Variants in CLASP2 observed in about 807,000 individuals in gnomAD.
CLASP2 encodes the protein cytoplasmic linker associated protein 2, also known as CLIP-associating protein 2.
In CLASP2, 47 loss-of-function variants were observed where a neutral mutation model predicts 194.4. The ratio of observed to expected loss-of-function variants is 0.24; its 90% CI spans 0.19 to 0.31. The LOEUF is 0.31. Among genes scored for constraint, CLASP2 ranks in the 10% least tolerant of loss-of-function variants. The probability of loss-of-function intolerance (pLI) is 1.00; values close to 1 mark genes in which losing one functional copy is unlikely to be tolerated. For synonymous variants in CLASP2, 619 were observed against 633.5 expected, an observed-to-expected ratio of 0.98 and a Z score of 0.34; for missense variants, 1,445 against 1,823.6, an observed-to-expected ratio of 0.79 and a Z score of 3.78.
At chr3:33,535,694 A>T (rs1343121151) in intron 33 of CLASP2, among the ~76,000 whole-genome samples, 1 of 152,206 alleles carries the variant, frequency 6.6e-6, no homozygotes, top group African/African-American at 2.4e-5. Flanking sequence ...CTGTAAAAGA[A>T]TGCTGCCTCT....
intron 37 of CLASP2, among the ~76,000 whole-genome samples, chr3:33,509,360 C>T (rs1575648098): frequency 6.6e-6 from 1 of 152,212 alleles, no homozygotes; most frequent in African/African-American, 2.4e-5. Flanking sequence ...GGGATTACGG[C>T]ATGTGCCAAC....
chr3:33,548,065 C>T (rs1048446280), intron 30 of CLASP2, among the ~76,000 whole-genome samples: 2 of 151,832 alleles, frequency 1.3e-5, no homozygotes, highest in Non-Finnish European at 2.9e-5. Flanking sequence ...TGTGAGCCAC[C>T]GTGCCTGGCT....
At chr3:33,501,622 C>T (rs754600828) in intron 38 of CLASP2, 30 bp downstream of exon 38, 3 of 1,335,088 alleles carry the variant, frequency 2.2e-6, no homozygotes, top group Admixed American at 1.7e-5. Context: ...ACTATGGCCA[C>T]CATCTCTAAA....
chr3:33,621,969 G>T (rs2077185858), intron 11 of CLASP2, among the ~76,000 whole-genome samples, 166 bp downstream of exon 11: 1 of 151,918 alleles, frequency 6.6e-6, no homozygotes, highest in Non-Finnish European at 1.5e-5. Flanking sequence ...AGCTGTTAAG[G>T]AATTTTTTAA....
At chr3:33,701,734 T>C (rs1367199159) in intron 1 of CLASP2, among the ~76,000 whole-genome samples, 1 of 152,234 alleles carries the variant, frequency 6.6e-6, no homozygotes, top group African/African-American at 2.4e-5. Context: ...TTTCAATAAA[T>C]GGTGATGTTA....
At chr3:33,534,290 A>G (rs558126542) in intron 34 of CLASP2, among the ~76,000 whole-genome samples, 1 of 152,326 alleles carries the variant, frequency 6.6e-6, no homozygotes, top group East Asian at 1.9e-4. Flanking sequence ...GGACAGGCAC[A>G]GTGGCTCACA....
At chr3:33,685,848 G>T (rs989409400) in intron 5 of CLASP2, among the ~76,000 whole-genome samples, 1 of 152,038 alleles carries the variant, frequency 6.6e-6, no homozygotes, top group African/African-American at 2.4e-5. Context: ...GACTGCCAGG[G>T]ACTGGGGAGT....
intron 7 of CLASP2, among the ~76,000 whole-genome samples, chr3:33,652,856 T>C (rs954540484): frequency 6.6e-6 from 1 of 152,192 alleles, no homozygotes; most frequent in African/African-American, 2.4e-5. Context: ...TGCTCAAGTT[T>C]TCCTTTGACC....
At chr3:33,610,810 A>G (rs2075014834) in intron 13 of CLASP2, among the ~76,000 whole-genome samples, 1 of 152,258 alleles carries the variant, frequency 6.6e-6, no homozygotes. Context: ...GACATAAGAC[A>G]GAGATGACTG....
intron 37 of CLASP2, chr3:33,504,294 G>A (rs573360357): frequency 6.6e-6 from 1 of 152,244 alleles, no homozygotes; most frequent in South Asian, 2.1e-4. Flanking sequence ...TTATCGCTAT[G>A]TTTTCTTCTA....
intron 3 of CLASP2, 30 bp from the exon 4 acceptor site, chr3:33,688,398 C>CA: frequency 6.9e-7 from 1 of 1,439,776 alleles, no homozygotes; most frequent in Non-Finnish European, 9.5e-7. Flanking sequence ...AAACGTATAA[C>CA]AAAAAACTAA....
intron 1 of CLASP2, among the ~76,000 whole-genome samples, chr3:33,713,205 G>A (rs1383239976): frequency 6.6e-6 from 1 of 151,910 alleles, no homozygotes; most frequent in Non-Finnish European, 1.5e-5. Context: ...GTCCTTTATA[G>A]TACAGCTAAG....
intron 33 of CLASP2, among the ~76,000 whole-genome samples, chr3:33,538,074 G>C (rs1223227871): frequency 6.6e-6 from 1 of 151,874 alleles, no homozygotes; most frequent in Non-Finnish European, 1.5e-5. Flanking sequence ...CCGGAAGGCA[G>C]AGCTTGCAGT....
chr3:33,546,062 CT>C lies in CLASP2; in HGVS notation c.3154-1222del, dbSNP rs895697061. Among the ~76,000 whole-genome samples, 8 of 152,056 alleles carry C rather than the reference CT, an allele frequency of 5.3e-5. No individual in the cohort carries two copies. In the East Asian group the frequency reaches 7.7e-4, roughly 15 times the overall value. On this transcript the variant is annotated intron_variant, in intron 30 of 38. Coordinates refer to ENST00000682230, the MANE Select transcript of CLASP2 (RefSeq NM_001365631.1). ...TGAAAACAAAAGTTACGATCTCATA[CT>C]TTTTTTTGGAACCACCACATTGAAT...
At chr3:33,630,958 G>T (rs1488641174) in intron 9 of CLASP2, among the ~76,000 whole-genome samples, 1 of 152,040 alleles carries the variant, frequency 6.6e-6, no homozygotes, top group Non-Finnish European at 1.5e-5. Flanking sequence ...TATTTAAAAA[G>T]TATCTTAAAA....
At chr3:33,643,381 A>G (rs901973501) in intron 8 of CLASP2, among the ~76,000 whole-genome samples, 1 of 151,974 alleles carries the variant, frequency 6.6e-6, no homozygotes, top group African/African-American at 2.4e-5. Flanking sequence ...GCTATTTGTT[A>G]TAAAAGGAAG....
intron 32 of CLASP2, among the ~76,000 whole-genome samples, chr3:33,542,765 CATT>C (rs1437611777): frequency 2.7e-4 from 41 of 151,894 alleles, no homozygotes; most frequent in African/African-American, 8.2e-4. Context: ...TTAAACTCAT[CATT>C]ATAACTGACC....
intron 26 of CLASP2, among the ~76,000 whole-genome samples, chr3:33,569,427 C>T (rs1373691082): frequency 6.6e-6 from 1 of 152,180 alleles, no homozygotes; most frequent in African/African-American, 2.4e-5. Context: ...GTTGAACAGA[C>T]TGTTAATTTA....
chr3:33,518,367 A>G (rs1039042998), intron 34 of CLASP2, among the ~76,000 whole-genome samples: 5 of 152,232 alleles, frequency 3.3e-5, no homozygotes, highest in Non-Finnish European at 7.3e-5. Flanking sequence ...ATTTGAATGT[A>G]ACAAAATACC....
Sources: allele counts gnomAD v4.1 joint callset (sites outside exome capture counted in the v4.1 genomes callset), GRCh38; gene constraint gnomAD v4.1.1; transcripts MANE v1.5; gene names NCBI Gene and HGNC (gene_info 2026-07-23, HGNC 2026-07-21).